Variants in FAF1 observed in about 807,000 individuals in gnomAD.
The protein encoded by FAF1 is FAS-associated factor 1.
FAF1 carries 25 observed loss-of-function variants against 92.5 expected under a neutral mutation model. The ratio of observed to expected loss-of-function variants is 0.27; its 90% CI spans 0.20 to 0.38. The LOEUF is 0.38. FAF1 is among the 10% of genes least tolerant of loss of function. FAF1 has a pLI of 1.00. For missense variants in FAF1, 636 were observed against 793.3 expected, an observed-to-expected ratio of 0.80 and a Z score of 2.38; for synonymous variants, 234 against 273.2, an observed-to-expected ratio of 0.86 and a Z score of 1.42.
At chr1:50,555,335 T>C (rs1649523649) in intron 13 of FAF1, among the ~76,000 whole-genome samples, 1 of 151,634 alleles carries the variant, frequency 6.6e-6, no homozygotes, top group South Asian at 2.1e-4. Context: ...AGCTTCTGCA[T>C]AGCAAAAGAA....
chr1:50,647,952 C>T (rs1015487451), intron 8 of FAF1, among the ~76,000 whole-genome samples: 1 of 152,048 alleles, frequency 6.6e-6, no homozygotes, highest in East Asian at 1.9e-4. Context: ...AGGGCATAGG[C>T]AGGGTTTCTC....
intron 6 of FAF1, among the ~76,000 whole-genome samples, chr1:50,726,997 T>A (rs1389653683): frequency 6.6e-6 from 1 of 152,200 alleles, no homozygotes; most frequent in African/African-American, 2.4e-5. Context: ...AGCCCAGAAA[T>A]GTCAAACCTT....
At chr1:50,582,720 A>G (rs753218727) in intron 11 of FAF1, 21 bp from the exon 12 acceptor site, 9 of 1,408,754 alleles carry the variant, frequency 6.4e-6, no homozygotes, top group Non-Finnish European at 9.0e-6. Context: ...AAGTGAGTCT[A>G]TTAATTAAAA....
chr1:50,705,046 C>T (rs1447196921), intron 7 of FAF1, among the ~76,000 whole-genome samples: 1 of 152,122 alleles, frequency 6.6e-6, no homozygotes, highest in African/African-American at 2.4e-5. Context: ...ATGACTGTTG[C>T]TTTCATAACT....
At chr1:50,481,852 G>A (rs748185787) in intron 17 of FAF1, among the ~76,000 whole-genome samples, 2 of 152,140 alleles carry the variant, frequency 1.3e-5, no homozygotes, top group Non-Finnish European at 2.9e-5. Context: ...TGCCTGGCTT[G>A]ACTGAAGAAT....
chr1:50,739,050 T>C (rs969404262), intron 5 of FAF1, 96 bp from the exon 6 acceptor site: 43 of 787,194 alleles, frequency 5.5e-5, no homozygotes, highest in Non-Finnish European at 8.4e-5. Context: ...AATTTTGTAG[T>C]TTTTTTTATC....
intron 9 of FAF1, among the ~76,000 whole-genome samples, chr1:50,586,239 A>G (rs1217315509): frequency 1.3e-5 from 2 of 152,034 alleles, no homozygotes; most frequent in Non-Finnish European, 2.9e-5. Flanking sequence ...AAGTAGGACT[A>G]CTCTGGTTGA....
intron 9 of FAF1, among the ~76,000 whole-genome samples, chr1:50,585,880 T>TAAAAAAAA (rs958484582): frequency 4.9e-4 from 44 of 90,584 alleles, no homozygotes; most frequent in African/African-American, 6.9e-4. Flanking sequence ...CATCTCTACA[T>TAAAAAAAA]AAAAAAAAAA....
At chr1:50,880,312 T>G (rs764177113) in intron 1 of FAF1, among the ~76,000 whole-genome samples, 2 of 151,580 alleles carry the variant, frequency 1.3e-5, no homozygotes, top group Non-Finnish European at 2.9e-5. Context: ...GAAGTGGGGG[T>G]AGAGTGAGAG....
intron 1 of FAF1, among the ~76,000 whole-genome samples, chr1:50,932,708 G>C (rs1432488107): frequency 2.7e-4 from 41 of 152,184 alleles, no homozygotes. Context: ...ACTAGGCAGT[G>C]ACCTAGCAGG....
At chr1:50,525,797 T>C (rs1276247274) in intron 15 of FAF1, among the ~76,000 whole-genome samples, 1 of 152,150 alleles carries the variant, frequency 6.6e-6, no homozygotes, top group Admixed American at 6.5e-5. Context: ...TCTGTGTCAG[T>C]TGACTCTTGT....
intron 17 of FAF1, among the ~76,000 whole-genome samples, chr1:50,489,533 G>A (rs1041918888): frequency 5.9e-5 from 9 of 152,178 alleles, no homozygotes; most frequent in African/African-American, 1.4e-4. Flanking sequence ...CTATAATAAC[G>A]TTTACATACA....
In FAF1 at chr1:50,584,826, T is replaced by C. The variant is rs1346547445; in HGVS notation, c.841-15A>G. 1 of 1,611,206 alleles carries C rather than the reference T, an allele frequency of 6.2e-7. No individual in the cohort carries two copies. Among genetic ancestry groups the C allele is most frequent in the South Asian group, 1.1e-5 (1 of 90,762 alleles). ...TCGGTGATTTGCTATTTAAGGAAAG[T>C]CCTGATTAGTTTCATATTGATTTTG... On this transcript the variant is annotated splice_polypyrimidine_tract_variant and intron_variant, in intron 9 of 18. Transcript: ENST00000396153.
At position 50,698,350 on chromosome 1, in the gene FAF1, A is replaced by G. The variant is rs532634711; in HGVS notation, c.657+7436T>C. Among the ~76,000 whole-genome samples, 150 of 152,264 alleles carry G rather than the reference A, an allele frequency of 9.9e-4. 2 individuals are homozygous for G. The South Asian group carries it at 0.03, about 31-fold the overall frequency. ...ATAACCTTGTCTCTGGCATTCAGGA[A>G]TCTAGGAGTTAATATTTTAATACTG... On this transcript the variant is annotated intron_variant, in intron 7 of 18. Transcript: ENST00000396153.
chr1:50,682,690 T>C (rs185006749), intron 7 of FAF1, among the ~76,000 whole-genome samples: 4 of 152,222 alleles, frequency 2.6e-5, no homozygotes, highest in Non-Finnish European at 4.4e-5. Flanking sequence ...CTCAGCCATT[T>C]TGAAAGTAAC....
At chr1:50,752,036 C>G (rs1292016823) in intron 4 of FAF1, among the ~76,000 whole-genome samples, 2 of 152,142 alleles carry the variant, frequency 1.3e-5, no homozygotes, top group Admixed American at 1.3e-4. Flanking sequence ...GTGGCACTAT[C>G]TTGGCTCACT....
intron 7 of FAF1, among the ~76,000 whole-genome samples, chr1:50,680,093 C>T (rs893955380): frequency 1.3e-5 from 2 of 152,112 alleles, no homozygotes; most frequent in Non-Finnish European, 2.9e-5. Flanking sequence ...ATTAGGAAAT[C>T]TTAAAATATT....
At chr1:50,526,436 A>AAAT (rs199599205) in intron 15 of FAF1, among the ~76,000 whole-genome samples, 1 of 151,346 alleles carries the variant, frequency 6.6e-6, no homozygotes, top group African/African-American at 2.4e-5. Context: ...TCTCTATTAA[A>AAAT]AATAATAATA....
intron 9 of FAF1, among the ~76,000 whole-genome samples, chr1:50,594,957 A>G (rs1651725121): frequency 6.6e-6 from 1 of 151,670 alleles, no homozygotes; most frequent in African/African-American, 2.4e-5. Flanking sequence ...AACGTGTTCA[A>G]TCTTATCTGC....
Sources: allele counts gnomAD v4.1 joint callset (sites outside exome capture counted in the v4.1 genomes callset), GRCh38; gene constraint gnomAD v4.1.1; transcripts MANE v1.5; gene names NCBI Gene and HGNC (gene_info 2026-07-23, HGNC 2026-07-21).